The following UNC13C variants were observed in gnomAD, a reference collection of about 807,000 sequenced individuals.
UNC13C encodes protein unc-13 homolog C.
Under a neutral mutation model 245.4 loss-of-function variants are expected in UNC13C, and 174 were observed. The ratio of observed to expected loss-of-function variants is 0.71; its 90% CI spans 0.63 to 0.80. UNC13C has a LOEUF of 0.80. Among genes scored for constraint, UNC13C ranks in the 30% least tolerant of loss-of-function variants. The pLI, the probability that UNC13C is intolerant of heterozygous loss-of-function variation, is 0.00. For synonymous variants in UNC13C, 992 were observed against 895.1 expected (o/e 1.11, Z -1.93); for missense variants, 2,829 against 2,602.9 (o/e 1.09, Z -1.89).
chr15:54,061,129 AAAAAG>A (rs1897812351), intron 2 of UNC13C, among the ~76,000 whole-genome samples: 3 of 152,098 alleles, frequency 2.0e-5, no homozygotes, highest in Admixed American at 2.0e-4. Context: ...ATAATAAAAA[AAAAAG>A]GAATCTAAAT....
At chr15:54,532,690 C>T (rs897294053) in intron 25 of UNC13C, among the ~76,000 whole-genome samples, 3 of 152,260 alleles carry the variant, frequency 2.0e-5, no homozygotes, top group South Asian at 4.1e-4. Context: ...AACCTCCACT[C>T]AAATTAATTC....
intron 17 of UNC13C, among the ~76,000 whole-genome samples, chr15:54,364,292 A>T (rs1008005077): frequency 1.9e-4 from 3 of 15,464 alleles, no homozygotes; most frequent in African/African-American, 4.6e-4. Context: ...TAGACCAAAA[A>T]ATGACCCCCC....
intron 7 of UNC13C, among the ~76,000 whole-genome samples, chr15:54,240,108 T>A (rs1024812111): frequency 1.3e-5 from 2 of 152,152 alleles, no homozygotes; most frequent in African/African-American, 4.8e-5. Flanking sequence ...TTGATCTGCT[T>A]TTCAACAACT....
chr15:54,280,418 T>C (rs1018663771), intron 10 of UNC13C, among the ~76,000 whole-genome samples: 2 of 151,632 alleles, frequency 1.3e-5, no homozygotes, highest in Non-Finnish European at 2.9e-5. Flanking sequence ...TATCAAACTT[T>C]TTAAAGGCAA....
chr15:54,006,924 C>T (rs956910105), intron 1 of UNC13C, among the ~76,000 whole-genome samples: 3 of 152,170 alleles, frequency 2.0e-5, no homozygotes, highest in African/African-American at 7.2e-5. Context: ...GGCCCTCTTG[C>T]TCAGTTGCAC....
chr15:54,619,948 A>G (rs970904352), intron 30 of UNC13C, among the ~76,000 whole-genome samples: 3 of 152,184 alleles, frequency 2.0e-5, no homozygotes, highest in African/African-American at 4.8e-5. Context: ...TCTAAATAGC[A>G]TGACTATTAA....
chr15:54,054,805 T>C (rs1897433687), intron 2 of UNC13C, among the ~76,000 whole-genome samples: 1 of 147,770 alleles, frequency 6.8e-6, no homozygotes, highest in East Asian at 2.2e-4. Flanking sequence ...TTATTTTTTG[T>C]TTTTATTTTT....
At chr15:54,463,495 C>T (rs1891995523) in intron 19 of UNC13C, among the ~76,000 whole-genome samples, 1 of 152,022 alleles carries the variant, frequency 6.6e-6, no homozygotes, top group Non-Finnish European at 1.5e-5. Context: ...CACGAACCCA[C>T]TGGGAGGAAT....
At chr15:54,114,232 A>T (rs1157928290) in intron 2 of UNC13C, among the ~76,000 whole-genome samples, 1 of 152,206 alleles carries the variant, frequency 6.6e-6, no homozygotes, top group Non-Finnish European at 1.5e-5. Context: ...CCACTGGAAT[A>T]CTTTTCTTTT....
At chr15:54,469,271 G>A (rs1892332128) in intron 19 of UNC13C, among the ~76,000 whole-genome samples, 1 of 151,434 alleles carries the variant, frequency 6.6e-6, no homozygotes, top group Non-Finnish European at 1.5e-5. Context: ...TCATAAGTTG[G>A]TTTTGTATCC....
chr15:54,144,451 A>G (rs1421993464), intron 4 of UNC13C, among the ~76,000 whole-genome samples: 1 of 152,160 alleles, frequency 6.6e-6, no homozygotes, highest in Admixed American at 6.6e-5. Context: ...GACTCACTTA[A>G]TCTTTACAAT....
At chr15:54,449,362 C>T (rs1891028985) in intron 19 of UNC13C, among the ~76,000 whole-genome samples, 1 of 152,184 alleles carries the variant, frequency 6.6e-6, no homozygotes. Flanking sequence ...TAATATCCTG[C>T]ACAGTGTTTT....
At chr15:54,497,382 A>G (rs1287756375) in intron 20 of UNC13C, among the ~76,000 whole-genome samples, 2 of 152,150 alleles carry the variant, frequency 1.3e-5, no homozygotes, top group Admixed American at 6.6e-5. Context: ...CTCAGAGTTT[A>G]CAGCTGTCTC....
At chr15:54,021,734 A>G (rs371312270) in intron 2 of UNC13C, among the ~76,000 whole-genome samples, 1 of 152,212 alleles carries the variant, frequency 6.6e-6, no homozygotes, top group South Asian at 2.1e-4. Context: ...TCAGTTGATG[A>G]TGGACTGCAT....
intron 2 of UNC13C, among the ~76,000 whole-genome samples, chr15:54,096,276 T>C (rs12898299): frequency 0.74 from 112,286 of 151,734 alleles, 42,394 homozygotes; most frequent in East Asian, 0.98. Context: ...GGCTGGTTTG[T>C]GCTAGGTCAG....
chr15:54,430,870 G>A (rs2040857220), intron 19 of UNC13C, among the ~76,000 whole-genome samples: 1 of 151,654 alleles, frequency 6.6e-6, no homozygotes, highest in Non-Finnish European at 1.5e-5. Context: ...GTAACTGAGG[G>A]AACAGTTGGT....
intron 2 of UNC13C, among the ~76,000 whole-genome samples, chr15:54,056,122 C>A (rs1041267354): frequency 6.6e-6 from 1 of 151,998 alleles, no homozygotes; most frequent in Non-Finnish European, 1.5e-5. Flanking sequence ...ATGACTTTGA[C>A]GAGTTGAGAG....
intron 30 of UNC13C, among the ~76,000 whole-genome samples, chr15:54,592,850 T>G (rs907206891): frequency 1.4e-5 from 2 of 139,638 alleles, no homozygotes; most frequent in African/African-American, 5.3e-5. Context: ...GTTGCCTGTG[T>G]ACTTTGTTTT....
chr15:53,968,892 T>G, the UNC13C span, among the ~76,000 whole-genome samples: 1 of 152,226 alleles, frequency 6.6e-6, no homozygotes, highest in African/African-American at 2.4e-5. Flanking sequence ...TGTGCTCCTC[T>G]CATTAGGCAA....
Sources: allele counts gnomAD v4.1 joint callset (sites outside exome capture counted in the v4.1 genomes callset), GRCh38; gene constraint gnomAD v4.1.1; transcripts MANE v1.5; gene names NCBI Gene and HGNC (gene_info 2026-07-23, HGNC 2026-07-21).